The following TAS1R2 variants were observed in gnomAD, a reference collection of about 807,000 sequenced individuals.
TAS1R2 encodes taste receptor type 1 member 2.
Under a neutral mutation model 49.3 loss-of-function variants are expected in TAS1R2, and 47 were observed. The ratio of observed to expected loss-of-function variants is 0.95; its 90% CI spans 0.75 to 1.22. The LOEUF is 1.22. TAS1R2 is among the 50% of genes most tolerant of loss of function. TAS1R2 has a pLI of 0.00. For missense variants in TAS1R2, 1,155 were observed against 1,122.1 expected (o/e 1.03, Z -0.42); for synonymous variants, 479 against 467.9 (o/e 1.02, Z -0.31).
At chr1:18,847,402 A>AT (rs36105111) in intron 4 of TAS1R2, among the ~76,000 whole-genome samples, 109,330 of 151,474 alleles carry the variant, frequency 0.72, 39,784 homozygotes, top group Non-Finnish European at 0.78. Flanking sequence ...ATACTTTGTG[A>AT]GGCAGGCCTA....
intron 2 of TAS1R2, 111 bp from the exon 3 acceptor site, chr1:18,855,097 C>A: frequency 7.3e-7 from 1 of 1,373,948 alleles, no homozygotes; most frequent in Non-Finnish European, 9.9e-7. Flanking sequence ...CAAGCCACCC[C>A]AGGGGTAGGT....
chr1:18,845,519 A>T (rs567525309), intron 4 of TAS1R2, among the ~76,000 whole-genome samples: 23 of 152,290 alleles, frequency 1.5e-4, no homozygotes, highest in African/African-American at 5.5e-4. Flanking sequence ...TGGAATAGAG[A>T]TTCTGGTCCC....
chr1:18,852,555 G>A (rs1934049986), intron 3 of TAS1R2, among the ~76,000 whole-genome samples: 1 of 152,186 alleles, frequency 6.6e-6, no homozygotes, highest in African/African-American at 2.4e-5. Flanking sequence ...GCCCTAAATT[G>A]GCTTGTTGGG....
exon 2 of TAS1R2, chr1:18,857,618 C>A: frequency 6.2e-7 from 1 of 1,613,004 alleles, no homozygotes; most frequent in Non-Finnish European, 8.5e-7. Context: ...TAGCCTATCA[C>A]CTTCACTTCA....
chr1:18,840,400 G>A (rs11805253), exon 6 of TAS1R2: 23,849 of 1,614,108 alleles, frequency 0.015, 819 homozygotes, highest in African/African-American at 0.13. Flanking sequence ...AGCCCAGGGC[G>A]GCCAGCAGGG....
intron 3 of TAS1R2, among the ~76,000 whole-genome samples, chr1:18,850,886 G>A (rs1934009783): frequency 6.6e-6 from 1 of 152,198 alleles, no homozygotes; most frequent in Admixed American, 6.5e-5. Context: ...ACTCTCTCCT[G>A]AGGCCAGCAC....
chr1:18,857,586 G>A (rs781334620), exon 2 of TAS1R2: 7 of 1,613,978 alleles, frequency 4.3e-6, no homozygotes, highest in South Asian at 2.2e-5. Context: ...CCACCGCAAA[G>A]CGCATGGCCT....
At chr1:18,847,401 G>T (rs35786194) in intron 4 of TAS1R2, among the ~76,000 whole-genome samples, 109,322 of 151,456 alleles carry the variant, frequency 0.72, 39,778 homozygotes, top group Non-Finnish European at 0.78. Context: ...GATACTTTGT[G>T]AGGCAGGCCT....
intron 4 of TAS1R2, 38 bp downstream of exon 4, chr1:18,849,303 G>C (rs769671494): frequency 1.2e-6 from 2 of 1,608,278 alleles, no homozygotes; most frequent in South Asian, 1.1e-5. Context: ...CCCAGGCCCC[G>C]CCCCAGGCCT....
chr1:18,842,774 G>A (rs1223237297), intron 4 of TAS1R2, among the ~76,000 whole-genome samples: 1 of 152,152 alleles, frequency 6.6e-6, no homozygotes, highest in Admixed American at 6.5e-5. Flanking sequence ...GTAGAAGGAT[G>A]GTTGCCAGAG....
intron 5 of TAS1R2, among the ~76,000 whole-genome samples, chr1:18,840,766 G>A (rs1933809354): frequency 6.6e-6 from 1 of 152,264 alleles, no homozygotes; most frequent in African/African-American, 2.4e-5. Flanking sequence ...CCCAAAGCCA[G>A]TAAGTTAGAG....
chr1:18,858,163 A>C, intron 1 of TAS1R2: 1 of 154,734 alleles, frequency 6.5e-6, no homozygotes, highest in Non-Finnish European at 1.4e-5. Flanking sequence ...ACCATCACCA[A>C]CGCCATCAGT....
intron 4 of TAS1R2, among the ~76,000 whole-genome samples, chr1:18,847,947 G>A (rs1281149019): frequency 6.6e-6 from 1 of 152,156 alleles, no homozygotes; most frequent in Non-Finnish European, 1.5e-5. Flanking sequence ...GCTTGTGCAG[G>A]GAAACTCCCA....
Position 18,854,297 on chromosome 1 carries a change from C to G in TAS1R2, c.1173G>C (p.Ala391=), listed in dbSNP as rs144433638. Residue 391 remains alanine (A), a synonymous_variant, in exon 3 of 6, where the codon GCG becomes GCC. Transcript: ENST00000375371. The surrounding 1 kb of genome is among the most constrained non-coding windows in gnomAD (Gnocchi z 4.9). ...GCAGGGCATGGGCCACAGCATAGAC[C>G]GCAGAGTACACGCTGTAGACGACAC... 16 of 1,614,130 alleles carry G rather than the reference C, an allele frequency of 9.9e-6. No individual in the cohort carries two copies. In the East Asian group the frequency reaches 3.6e-4, roughly 36 times the overall value.
At chr1:18,847,428 C>T (rs1933940599) in intron 4 of TAS1R2, among the ~76,000 whole-genome samples, 1 of 152,156 alleles carries the variant, frequency 6.6e-6, no homozygotes, top group Non-Finnish European at 1.5e-5. Context: ...CTAACACAGA[C>T]ACCACCCTAA....
At chr1:18,842,271 AT>A (rs1372815766) in intron 4 of TAS1R2, among the ~76,000 whole-genome samples, 1 of 152,208 alleles carries the variant, frequency 6.6e-6, no homozygotes, top group Non-Finnish European at 1.5e-5. Flanking sequence ...TTGAGACCTA[AT>A]CACAGGATTA....
chr1:18,851,134 G>A (rs1934013041), intron 3 of TAS1R2, among the ~76,000 whole-genome samples: 1 of 152,188 alleles, frequency 6.6e-6, no homozygotes, highest in Non-Finnish European at 1.5e-5. Context: ...CCAGCTCACC[G>A]CCACCTGCCT....
chr1:18,857,580 C>T lies in TAS1R2; in HGVS notation c.234G>A (p.Ala78=), dbSNP rs139094182. Residue 78 remains alanine (A), a synonymous_variant, in exon 2 of 6, where the codon GCG becomes GCA. Transcript: ENST00000375371. ...TGCTGTCATTGTTGATCTCCTCCAC[C>T]GCAAAGCGCATGGCCTGCATGAGGT... is the stretch of plus-strand genomic sequence containing the variant. 486 of 1,614,142 alleles carry T rather than the reference C, an allele frequency of 3.0e-4. 1 individual carries two copies. The highest frequency in any genetic ancestry group is 7.2e-4 in the Admixed American group (43 of 60,020).
intron 3 of TAS1R2, among the ~76,000 whole-genome samples, chr1:18,850,265 G>A (rs1371440217): frequency 2.6e-5 from 4 of 152,174 alleles, no homozygotes; most frequent in Admixed American, 1.3e-4. Flanking sequence ...AACCTTGCTG[G>A]GCTAACGCTG....
Sources: allele counts gnomAD v4.1 joint callset (sites outside exome capture counted in the v4.1 genomes callset), GRCh38; gene constraint gnomAD v4.1.1; non-coding constraint Gnocchi (gnomAD v3.1); transcripts MANE v1.5; gene names NCBI Gene and HGNC (gene_info 2026-07-23, HGNC 2026-07-21).